The following STYX variants were observed in gnomAD, a reference collection of about 807,000 sequenced individuals.
The protein encoded by STYX is serine/threonine/tyrosine-interacting protein.
STYX carries 20 observed loss-of-function variants against 42.7 expected under a neutral mutation model. The ratio of observed to expected loss-of-function variants is 0.47; its 90% CI spans 0.33 to 0.68. The LOEUF is 0.68. Ranked by LOEUF, STYX falls within the 30% of genes least tolerant of loss-of-function variation. The pLI is 0.02. For synonymous variants in STYX, 78 were observed against 81.9 expected (o/e 0.95, Z 0.26); for missense variants, 226 against 268.5 (o/e 0.84, Z 1.11).
At chr14:52,731,643 G>C (rs1224889104) in intron 1 of STYX, 1 of 151,850 alleles carries the variant, frequency 6.6e-6, no homozygotes, top group Non-Finnish European at 1.5e-5. Flanking sequence ...CACCATTTTG[G>C]CCAGGGTGGT....
rs1566683054 is a variant in STYX, at chr14:52,771,171, A to G, written c.*65A>G. ...GAAGGAGAAAATACAAGAGAAAATT[A>G]TAATGTAAAATGGTAAAAACATAAG... On this transcript the variant is annotated 3_prime_UTR_variant, in exon 11 of 11. Coordinates refer to ENST00000354586, the MANE Select transcript of STYX (RefSeq NM_145251.4). 2.8e-6 allele frequency: 4 copies of G among 1,425,784 alleles called. No homozygotes were observed. The highest frequency in any genetic ancestry group is 3.9e-6 in the Non-Finnish European group (4 of 1,035,966). The allele number at this position is 1,425,784 out of a possible 1,614,324, so 88.3% of individuals were successfully genotyped here.
At chr14:52,735,167 T>C (rs1315887919) in intron 1 of STYX, among the ~76,000 whole-genome samples, 1 of 152,162 alleles carries the variant, frequency 6.6e-6, no homozygotes, top group Non-Finnish European at 1.5e-5. Context: ...CTCTCATGAG[T>C]TCTTATCTCT....
chr14:52,752,624 G>C (rs1326242947), intron 4 of STYX, among the ~76,000 whole-genome samples: 1 of 152,102 alleles, frequency 6.6e-6, no homozygotes, highest in Non-Finnish European at 1.5e-5. Flanking sequence ...TATGTGTTTG[G>C]ATTTGGGATG....
At chr14:52,764,597 A>G (rs149842840) in intron 9 of STYX, among the ~76,000 whole-genome samples, 3,268 of 149,796 alleles carry the variant, frequency 0.022, 37 homozygotes, top group Middle Eastern at 0.059. Flanking sequence ...ACCTTCTGCT[A>G]TAGTTTAAAA....
At chr14:52,735,056 C>CA (rs11409405) in intron 1 of STYX, among the ~76,000 whole-genome samples, 16,821 of 138,678 alleles carry the variant, frequency 0.12, 1,001 homozygotes, top group African/African-American at 0.15. Flanking sequence ...GACTCCATCT[C>CA]AAAAAAAAAA....
intron 1 of STYX, among the ~76,000 whole-genome samples, chr14:52,730,746 C>T (rs551290461): frequency 1.3e-5 from 2 of 152,232 alleles, no homozygotes; most frequent in African/African-American, 2.4e-5. Context: ...GGTGTACTTA[C>T]ATTTGAGAAG....
intron 10 of STYX, among the ~76,000 whole-genome samples, chr14:52,769,238 G>A (rs942995205): frequency 1.3e-5 from 2 of 152,070 alleles, no homozygotes; most frequent in African/African-American, 4.8e-5. Flanking sequence ...CATGGCTAAT[G>A]TGAGCTTCTT....
intron 1 of STYX, 56 bp downstream of exon 1, chr14:52,730,587 G>A: frequency 6.3e-7 from 1 of 1,583,994 alleles, no homozygotes; most frequent in South Asian, 1.1e-5. Context: ...TCCGGCCGAG[G>A]GGCGACCCCA....
intron 1 of STYX, among the ~76,000 whole-genome samples, chr14:52,742,168 A>C (rs1242481215): frequency 1.3e-5 from 2 of 152,040 alleles, no homozygotes; most frequent in African/African-American, 4.8e-5. Flanking sequence ...GGAAGACCCC[A>C]CTCCACCACT....
At chr14:52,740,810 G>T (rs1309978827) in intron 1 of STYX, among the ~76,000 whole-genome samples, 1 of 152,116 alleles carries the variant, frequency 6.6e-6, no homozygotes, top group African/African-American at 2.4e-5. Flanking sequence ...TAGTAAGTGT[G>T]CAGTTCATTG....
At chr14:52,744,640 G>A (rs1288303512) in intron 1 of STYX, among the ~76,000 whole-genome samples, 1 of 152,152 alleles carries the variant, frequency 6.6e-6, no homozygotes, top group African/African-American at 2.4e-5. Context: ...AACAATTCTG[G>A]AAGCCTAGTT....
At position 52,759,700 on chromosome 14, in the gene STYX, T is replaced by A; in HGVS notation, c.450T>A (p.Val150=). Reference sequence around the variant, plus strand: ...TTTTCAGAGATGCTTTTGCTTATGTTCAAGAAAGAAGATTTTGTATTAATC... The same window carrying A: ...TTTTCAGAGATGCTTTTGCTTATGTACAAGAAAGAAGATTTTGTATTAATC... The part of the protein sequence containing the change: ...GMKYRDAFAY[V]QERRFCINPN... Residue 150 remains valine, a synonymous_variant, in exon 9 of 11, where the codon GTT becomes GTA. Transcript: ENST00000354586. 1 of 1,609,394 alleles carries A rather than the reference T, an allele frequency of 6.2e-7. No homozygotes were observed.
At chr14:52,760,939 A>G (rs1406788915) in intron 9 of STYX, among the ~76,000 whole-genome samples, 1 of 152,224 alleles carries the variant, frequency 6.6e-6, no homozygotes, top group African/African-American at 2.4e-5. Flanking sequence ...TTTGTGTTAC[A>G]AACAATCCAA....
At chr14:52,754,460 A>C (rs556139276) in intron 4 of STYX, among the ~76,000 whole-genome samples, 1 of 141,908 alleles carries the variant, frequency 7.0e-6, no homozygotes, top group Admixed American at 7.1e-5. Context: ...CGATCTACCC[A>C]CCTCAGCCTC....
At chr14:52,730,639 C>A in intron 1 of STYX, 108 bp downstream of exon 1, 1 of 1,228,724 alleles carries the variant, frequency 8.1e-7, no homozygotes, top group Non-Finnish European at 1.1e-6. Context: ...GGCGCCCTGC[C>A]TCCTAAGGGC....
rs36115577 is a variant in STYX, at chr14:52,774,591, A to ATTTT, written c.*3499_*3502dup. The stretch of plus-strand genomic sequence containing the variant: ...GTCTCTAGGGTCTTTGAATGCTGGA[A>ATTTT]TTTTTTTTTTTTTTTTTGTCTTTCC... On this transcript the variant is annotated 3_prime_UTR_variant, in exon 11 of 11. Transcript: ENST00000354586. The ATTTT allele has an allele frequency of 1.5e-5, 2 of 136,264 alleles. No individual in the cohort carries two copies. Among genetic ancestry groups the ATTTT allele is most frequent in the Non-Finnish European group, 1.6e-5 (1 of 63,002 alleles). The allele number at this position is 136,264 out of a possible 1,614,324, so 8.4% of individuals were successfully genotyped here.
At chr14:52,749,558 A>G (rs555418444) in intron 3 of STYX, among the ~76,000 whole-genome samples, 76 of 152,328 alleles carry the variant, frequency 5.0e-4, no homozygotes, top group African/African-American at 1.7e-3. Flanking sequence ...AGTTATACAT[A>G]CTTGATACTT....
At chr14:52,752,928 T>C (rs1011387641) in intron 4 of STYX, among the ~76,000 whole-genome samples, 2 of 145,032 alleles carry the variant, frequency 1.4e-5, no homozygotes, top group African/African-American at 5.1e-5. Context: ...TCACCCAGGC[T>C]GGAGTGCAGT....
At position 52,773,068 on chromosome 14, in the gene STYX, T is replaced by A. The variant is rs1402917850; in HGVS notation, c.*1962T>A. On this transcript the variant is annotated 3_prime_UTR_variant, in exon 11 of 11. Coordinates refer to ENST00000354586, the MANE Select transcript of STYX (RefSeq NM_145251.4). ...ATGCTTCATTTAGCAGAAACTCTGC[T>A]TAAAAGAATCTTCATAATAGTAAGT... 6.6e-6 allele frequency: 1 copy of A among 152,204 alleles called. No individual in the cohort carries two copies. The highest frequency in any genetic ancestry group is 1.9e-4 in the East Asian group (1 of 5,198). 9.4% of individuals were successfully genotyped at this position (152,204 alleles called of 1,614,324 possible). A position where few individuals can be genotyped will look rare whatever the true frequency, so the allele number is the denominator to read the frequency against.
Sources: gnomAD v4.1 joint callset for allele counts (sites outside exome capture counted in the v4.1 genomes callset) on GRCh38, gnomAD v4.1.1 for gene constraint, MANE v1.5 for transcripts, NCBI Gene and HGNC (gene_info 2026-07-23, HGNC 2026-07-21) for gene names.